KHDRBS2: variants seen among roughly 807,000 people sequenced by gnomAD.
KHDRBS2 encodes the protein KH RNA binding domain containing, signal transduction associated 2, also known as KH domain-containing, RNA-binding, signal transduction-associated protein 2.
KHDRBS2 carries 26 observed loss-of-function variants against 44.3 expected under a neutral mutation model. That is an observed-to-expected ratio of 0.59 (90% CI 0.43 to 0.81). The LOEUF (loss-of-function observed/expected upper bound fraction) is 0.81, where lower values mean the gene tolerates loss of function less well. KHDRBS2 is among the 40% of genes least tolerant of loss of function. KHDRBS2 has a pLI of 0.00. For synonymous variants in KHDRBS2, 194 were observed against 151.1 expected, an observed-to-expected ratio of 1.28 and a Z score of -2.08; for missense variants, 476 against 433.1, an observed-to-expected ratio of 1.10 and a Z score of -0.88.
intron 6 of KHDRBS2, among the ~76,000 whole-genome samples, chr6:61,760,921 G>A (rs1272222016): frequency 6.6e-6 from 1 of 152,186 alleles, no homozygotes; most frequent in Non-Finnish European, 1.5e-5. Context: ...CTATAGTTGA[G>A]AGGAAAAGAT....
At chr6:61,677,288 TA>T (rs1765998454), downstream of KHDRBS2, among the ~76,000 whole-genome samples, 1 of 151,934 alleles carries the variant, frequency 6.6e-6, no homozygotes, top group Non-Finnish European at 1.5e-5. Context: ...TTGAAATGGA[TA>T]AAAGAGAATA....
chr6:61,710,687 G>A (rs1388630482), intron 7 of KHDRBS2, among the ~76,000 whole-genome samples: 3 of 150,168 alleles, frequency 2.0e-5, no homozygotes, highest in Non-Finnish European at 4.4e-5. Flanking sequence ...GGTCAGCTTT[G>A]TGTTATGTAT....
intron 3 of KHDRBS2, among the ~76,000 whole-genome samples, chr6:62,013,109 G>A (rs1780598502): frequency 6.6e-6 from 1 of 152,084 alleles, no homozygotes; most frequent in African/African-American, 2.4e-5. Flanking sequence ...GGAGGACTTT[G>A]ATTTCTTTGG....
At chr6:62,030,812 A>G (rs1362209787) in intron 3 of KHDRBS2, among the ~76,000 whole-genome samples, 2 of 152,122 alleles carry the variant, frequency 1.3e-5, no homozygotes, top group Non-Finnish European at 2.9e-5. Flanking sequence ...CTGTGAAAAC[A>G]TATGTCCACA....
chr6:61,993,813 A>C (rs1482655695), intron 3 of KHDRBS2, among the ~76,000 whole-genome samples: 1 of 151,692 alleles, frequency 6.6e-6, no homozygotes, highest in Non-Finnish European at 1.5e-5. Flanking sequence ...CTCACCTATG[A>C]AGTTATTTAA....
intron 6 of KHDRBS2, among the ~76,000 whole-genome samples, chr6:61,887,648 C>G (rs112121190): frequency 6.6e-6 from 1 of 152,090 alleles, no homozygotes; most frequent in Non-Finnish European, 1.5e-5. Context: ...TGAGGCTCAG[C>G]AGGGGAGAAA....
At chr6:61,756,479 C>T (rs80013008) in intron 6 of KHDRBS2, among the ~76,000 whole-genome samples, 73 of 152,040 alleles carry the variant, frequency 4.8e-4, no homozygotes, top group Non-Finnish European at 9.1e-4. Flanking sequence ...AGGCTGGTCT[C>T]GAACTCTTGA....
At chr6:62,125,514 G>A (rs533700102) in intron 2 of KHDRBS2, among the ~76,000 whole-genome samples, 29 of 152,278 alleles carry the variant, frequency 1.9e-4, no homozygotes, top group African/African-American at 6.3e-4. Context: ...GATACTAGCC[G>A]GGGCAGCCAA....
At chr6:62,179,974 G>A (rs1821922720) in intron 1 of KHDRBS2, among the ~76,000 whole-genome samples, 1 of 151,718 alleles carries the variant, frequency 6.6e-6, no homozygotes, top group South Asian at 2.1e-4. Context: ...TAACAAAATG[G>A]TATATGCCAA....
chr6:61,831,492 T>G (rs1414335985), intron 6 of KHDRBS2, among the ~76,000 whole-genome samples: 1 of 152,056 alleles, frequency 6.6e-6, no homozygotes, highest in Non-Finnish European at 1.5e-5. Flanking sequence ...AAAGGGTCGT[T>G]TGAAAGGTAT....
the KHDRBS2 span, among the ~76,000 whole-genome samples, chr6:61,546,651 C>T: frequency 2.6e-5 from 4 of 152,002 alleles, no homozygotes; most frequent in African/African-American, 9.7e-5. Flanking sequence ...AATTATTTAT[C>T]CCATGTTTGG....
intron 4 of KHDRBS2, among the ~76,000 whole-genome samples, chr6:61,945,968 CATT>C (rs2127380089): frequency 1.3e-5 from 2 of 152,256 alleles, no homozygotes; most frequent in South Asian, 4.1e-4. Context: ...AATATTTTAT[CATT>C]GTGTTTGCTT....
At position 61,895,102 on chromosome 6, in the gene KHDRBS2, TAACTAAA is replaced by T. The variant is rs561653911; in HGVS notation, c.612-276_612-270del. Among the ~76,000 whole-genome samples, 145 of 147,294 alleles carry T rather than the reference TAACTAAA, an allele frequency of 9.8e-4. 1 individual carries two copies. Among genetic ancestry groups the T allele is most frequent in the African/African-American group, 3.3e-3 (133 of 39,910 alleles). Reference sequence around the variant, plus strand: ...AAATACTTTGTTATTGTCTTTTATATAACTAAAAACCCAAAGCCAGAAAAAAAAAAAA... The same window carrying T: ...AAATACTTTGTTATTGTCTTTTATATAACCCAAAGCCAGAAAAAAAAAAAA... On this transcript the variant is annotated intron_variant, in intron 5 of 8. Coordinates refer to ENST00000281156, the MANE Select transcript of KHDRBS2 (RefSeq NM_152688.4).
chr6:61,709,451 C>A (rs72874892), intron 7 of KHDRBS2, among the ~76,000 whole-genome samples: 1 of 151,594 alleles, frequency 6.6e-6, no homozygotes, highest in Non-Finnish European at 1.5e-5. Context: ...TCATTTGAGG[C>A]AACTTCATAC....
intron 6 of KHDRBS2, among the ~76,000 whole-genome samples, chr6:61,736,182 T>C (rs1025228264): frequency 2.0e-5 from 3 of 147,158 alleles, no homozygotes; most frequent in African/African-American, 5.0e-5. Context: ...TTTTGTCCTA[T>C]ATGATATCTC....
At chr6:62,210,369 C>G (rs1405643465) in intron 1 of KHDRBS2, among the ~76,000 whole-genome samples, 56 of 147,306 alleles carry the variant, frequency 3.8e-4, no homozygotes, top group East Asian at 2.0e-4. Context: ...TCGCTCTTGT[C>G]CCCTAGGCTG....
the KHDRBS2 span, among the ~76,000 whole-genome samples, chr6:61,607,505 C>T: frequency 3.8e-5 from 2 of 52,946 alleles, no homozygotes; most frequent in Non-Finnish European, 6.8e-5. Flanking sequence ...TAGAAGCATA[C>T]ATATGAGTTC....
At chr6:61,598,825 C>CTTTTTT in the KHDRBS2 span, among the ~76,000 whole-genome samples, 1 of 56,496 alleles carries the variant, frequency 1.8e-5, no homozygotes. Context: ...GTAGAGTGTC[C>CTTTTTT]TTTTTTCTTT....
chr6:61,713,974 T>C (rs1770960438), intron 7 of KHDRBS2, among the ~76,000 whole-genome samples: 1 of 151,678 alleles, frequency 6.6e-6, no homozygotes, highest in African/African-American at 2.4e-5. Context: ...TCTTCTACGC[T>C]TTGGTCTAAG....
Sources: allele counts gnomAD v4.1 joint callset (sites outside exome capture counted in the v4.1 genomes callset), GRCh38; gene constraint gnomAD v4.1.1; transcripts MANE v1.5; gene names NCBI Gene and HGNC (gene_info 2026-07-23, HGNC 2026-07-21).